The following SYT2 variants were observed in gnomAD, a reference collection of about 807,000 sequenced individuals.
SYT2 encodes the protein synaptotagmin 2.
A neutral mutation model predicts 39.9 loss-of-function variants in SYT2; 15 were observed. The observed-to-expected ratio is 0.38, with a 90% CI of 0.25 to 0.58. SYT2 has a LOEUF of 0.58. Ranked by LOEUF, SYT2 falls within the 20% of genes least tolerant of loss-of-function variation. The probability of loss-of-function intolerance (pLI) is 0.70; values close to 1 mark genes in which losing one functional copy is unlikely to be tolerated. For missense variants in SYT2, 389 were observed against 530.3 expected (o/e 0.73, Z 2.62); for synonymous variants, 181 against 204.5 (o/e 0.89, Z 0.98).
Position 202,605,627 on chromosome 1 carries a change from T to C in SYT2, c.146A>G (p.Glu49Gly). 1.2e-6 allele frequency: 2 copies of C among 1,613,826 alleles called. No individual in the cohort carries two copies. The highest frequency in any genetic ancestry group is 1.7e-6 in the Non-Finnish European group (2 of 1,179,734). Reference sequence around the variant, plus strand: ...CTTGTTTATCTCATTGAATAACTTCTCCTTCAGTTTGGCAAACATGTCCTC... The same window carrying C: ...CTTGTTTATCTCATTGAATAACTTCCCCTTCAGTTTGGCAAACATGTCCTC... ...SQEDMFAKLK[E>G]KLFNEINKIP... Residue 49 changes from glutamate to glycine, a missense_variant, in exon 2 of 9, where the codon GAG becomes GGG. By Grantham distance (98) the Glu-to-Gly change is moderately conservative. Transcript: ENST00000367268.
chr1:202,691,376 G>A (rs907328399), intron 1 of SYT2, among the ~76,000 whole-genome samples: 32 of 152,048 alleles, frequency 2.1e-4, no homozygotes, highest in African/African-American at 7.5e-4. Context: ...GGCCAGGCAC[G>A]GTAGCTCACA....
At chr1:202,706,336 G>A (rs115482859) in intron 1 of SYT2, among the ~76,000 whole-genome samples, 3 of 152,002 alleles carry the variant, frequency 2.0e-5, no homozygotes, top group Non-Finnish European at 4.4e-5. Flanking sequence ...AAGGTGGACA[G>A]TGCTCCCTGC....
chr1:202,600,292 T>A (rs1345785317), intron 7 of SYT2, 65 bp downstream of exon 7: 2 of 1,376,918 alleles, frequency 1.5e-6, no homozygotes. Flanking sequence ...GTGTGCAAAC[T>A]CTGGGACTTG....
In SYT2 at chr1:202,599,409, C is replaced by T. The variant is rs1690418251; in HGVS notation, c.920-58G>A. The T allele has an allele frequency of 2.6e-6, 4 of 1,541,422 alleles. No individual in the cohort carries two copies. Among genetic ancestry groups the T allele is most frequent in the African/African-American group, 1.4e-5 (1 of 71,054 alleles). Reference sequence around the variant, plus strand: ...TCCCCTTAGCCCCCAGCCTTCCTGCCGAATGTACCAAGGCCTGCCCAGAGC... The same window carrying T: ...TCCCCTTAGCCCCCAGCCTTCCTGCTGAATGTACCAAGGCCTGCCCAGAGC... On this transcript the variant is annotated intron_variant, in intron 7 of 8. Transcript: ENST00000367268. This position sits in a 1 kb window ranked among gnomAD's most constrained non-coding sequence, Gnocchi z 4.4.
At chr1:202,669,237 A>G (rs1692537078) in intron 1 of SYT2, among the ~76,000 whole-genome samples, 1 of 152,228 alleles carries the variant, frequency 6.6e-6, no homozygotes, top group South Asian at 2.1e-4. Context: ...TTTTATCTTT[A>G]GCACAGGCAT....
rs1292335526 is a variant in SYT2, at chr1:202,591,753, T to C, written c.*5004A>G. On this transcript the variant is annotated 3_prime_UTR_variant, in exon 9 of 9. Coordinates refer to ENST00000367268, the MANE Select transcript of SYT2 (RefSeq NM_177402.5). ...CAGACCCTCACACTACAGAGGTGAG[T>C]AAGCAGGGATGGTTCTGTCATCCCT... is the stretch of plus-strand genomic sequence containing the variant. 2 of 152,514 alleles carry C rather than the reference T, an allele frequency of 1.3e-5. No individual in the cohort carries two copies. Among genetic ancestry groups the C allele is most frequent in the East Asian group, 1.9e-4 (1 of 5,176 alleles). 9.4% of individuals were successfully genotyped at this position (152,514 alleles called of 1,614,324 possible). A position where few individuals can be genotyped will look rare whatever the true frequency, so the allele number is the denominator to read the frequency against.
At chr1:202,632,132 C>A in intron 1 of SYT2, 3 of 953,112 alleles carry the variant, frequency 3.1e-6, no homozygotes, top group Non-Finnish European at 3.7e-6. Flanking sequence ...TCCCCAGGGC[C>A]TGGAATCTGC....
intron 1 of SYT2, among the ~76,000 whole-genome samples, chr1:202,702,333 G>T (rs1046360848): frequency 1.7e-4 from 26 of 152,212 alleles, no homozygotes; most frequent in Admixed American, 7.8e-4. Flanking sequence ...CAATTTCTCA[G>T]CTGTGCTTCC....
At chr1:202,689,669 G>C (rs1365785177) in intron 1 of SYT2, among the ~76,000 whole-genome samples, 3 of 151,980 alleles carry the variant, frequency 2.0e-5, no homozygotes, top group Non-Finnish European at 4.4e-5. Context: ...GAACACTGTG[G>C]GGGAGCAGGG....
intron 1 of SYT2, among the ~76,000 whole-genome samples, chr1:202,646,310 ATGT>A (rs1692080390): frequency 6.6e-6 from 1 of 152,108 alleles, no homozygotes; most frequent in African/African-American, 2.4e-5. Context: ...GCATTTGTAC[ATGT>A]TGTCCTCCAC....
intron 8 of SYT2, among the ~76,000 whole-genome samples, chr1:202,597,811 G>A (rs919827569): frequency 2.0e-5 from 3 of 152,182 alleles, no homozygotes; most frequent in African/African-American, 7.2e-5. Flanking sequence ...CTGTACCAAG[G>A]CAGGGACAGT....
chr1:202,698,107 T>TCAC (rs772484127), intron 1 of SYT2, among the ~76,000 whole-genome samples: 5 of 132,100 alleles, frequency 3.8e-5, no homozygotes, highest in Admixed American at 1.5e-4. Flanking sequence ...GTCCAGGGTC[T>TCAC]CACCACCCCC....
Position 202,604,638 on chromosome 1 carries a change from G to C in SYT2, c.179-17C>G. The C allele has an allele frequency of 6.2e-7, 1 of 1,611,330 alleles. No individual in the cohort carries two copies. On this transcript the variant is annotated splice_polypyrimidine_tract_variant and intron_variant, in intron 2 of 8. Transcript: ENST00000367268. ...AGGGTGGTACTGCCCACACAGAGAA[G>C]ATCCCAGGGTCAGCAGTGCCATGCC...
At chr1:202,612,259 A>T (rs1255723346) in intron 1 of SYT2, among the ~76,000 whole-genome samples, 1 of 151,742 alleles carries the variant, frequency 6.6e-6, no homozygotes, top group Admixed American at 6.6e-5. Context: ...GTCTAACCTC[A>T]TGGCAATACC....
chr1:202,682,552 C>G (rs1038489792), intron 1 of SYT2, among the ~76,000 whole-genome samples: 9 of 152,078 alleles, frequency 5.9e-5, no homozygotes, highest in African/African-American at 2.2e-4. Context: ...TGGCTTGAAT[C>G]AGCAAAAAGG....
chr1:202,609,837 GC>G lies in SYT2; in HGVS notation c.-17-4049del, dbSNP rs368686381. Among the ~76,000 whole-genome samples, 75 of 152,218 alleles carry G rather than the reference GC, an allele frequency of 4.9e-4. No individual in the cohort carries two copies. The East Asian group carries it at 0.013, about 26-fold the overall frequency. ...AAAATTTTCTCCCATTCTGTAGGTT[GC>G]CTGTTCACTCTGATGGTAGTGTCTT... On this transcript the variant is annotated intron_variant, in intron 1 of 8. Coordinates refer to ENST00000367268, the MANE Select transcript of SYT2 (RefSeq NM_177402.5).
intron 1 of SYT2, among the ~76,000 whole-genome samples, chr1:202,636,151 T>C (rs1225010581): frequency 6.6e-6 from 1 of 152,050 alleles, no homozygotes; most frequent in Non-Finnish European, 1.5e-5. Flanking sequence ...AACTACAGAC[T>C]GCATTCAGAA....
intron 1 of SYT2, among the ~76,000 whole-genome samples, chr1:202,678,273 C>CAAAAAAAAAAAAA (rs773123862): frequency 3.3e-5 from 1 of 30,728 alleles, no homozygotes; most frequent in Non-Finnish European, 6.2e-5. Context: ...GACTCTGTCT[C>CAAAAAAAAAAAAA]AAAAAAAAAA....
At chr1:202,699,689 T>C (rs1336554134) in intron 1 of SYT2, among the ~76,000 whole-genome samples, 3 of 152,182 alleles carry the variant, frequency 2.0e-5, no homozygotes, top group African/African-American at 7.2e-5. Flanking sequence ...GATCTATAAA[T>C]TATACTTCAA....
Sources: allele counts gnomAD v4.1 joint callset (sites outside exome capture counted in the v4.1 genomes callset), GRCh38; gene constraint gnomAD v4.1.1; non-coding constraint Gnocchi (gnomAD v3.1); transcripts MANE v1.5; gene names NCBI Gene and HGNC (gene_info 2026-07-23, HGNC 2026-07-21).